Variants in KMT2E observed in about 807,000 individuals in gnomAD.
KMT2E encodes lysine methyltransferase 2E (inactive).
In KMT2E, 30 loss-of-function variants were observed where a neutral mutation model predicts 184.6. The observed-to-expected ratio is 0.16, with a 90% CI of 0.12 to 0.22. The LOEUF is 0.22. Ranked by LOEUF, KMT2E falls within the 10% of genes least tolerant of loss-of-function variation. The probability of loss-of-function intolerance (pLI) is 1.00; values close to 1 mark genes in which losing one functional copy is unlikely to be tolerated. For synonymous variants in KMT2E, 815 were observed against 776.5 expected, an observed-to-expected ratio of 1.05 and a Z score of -0.82; for missense variants, 2,023 against 2,237.4, an observed-to-expected ratio of 0.90 and a Z score of 1.93.
chr7:105,081,922 G>T, intron 13 of KMT2E, 125 bp downstream of exon 13: 1 of 509,296 alleles, frequency 2.0e-6, no homozygotes, highest in Non-Finnish European at 3.5e-6. Flanking sequence ...TCAGTTAAAA[G>T]TACTTGAAAA....
At chr7:105,091,716 CAA>C (rs761405130) in intron 15 of KMT2E, 964 of 141,866 alleles carry the variant, frequency 6.8e-3, no homozygotes, top group Middle Eastern at 0.014. Flanking sequence ...ATTGCTTATG[CAA>C]AAAAAAAAAA....
At chr7:105,102,910 A>G (rs1798716066) in intron 17 of KMT2E, 1 of 152,224 alleles carries the variant, frequency 6.6e-6, no homozygotes, top group African/African-American at 2.4e-5. Context: ...ATGCTGCTAA[A>G]CCATGACATG....
At chr7:105,088,819 A>C (rs1199891540) in intron 13 of KMT2E, among the ~76,000 whole-genome samples, 2 of 152,208 alleles carry the variant, frequency 1.3e-5, no homozygotes, top group Non-Finnish European at 2.9e-5. Flanking sequence ...GATGAGACAG[A>C]GTGCAGTTAT....
chr7:105,098,235 T>A (rs1012089474), intron 15 of KMT2E, among the ~76,000 whole-genome samples: 3 of 73,178 alleles, frequency 4.1e-5, no homozygotes, highest in African/African-American at 3.5e-4. Context: ...CCTTTTCCTA[T>A]TTTTTTTTTT....
At chr7:105,111,677 C>A in intron 26 of KMT2E, 148 bp from the exon 27 acceptor site, 1 of 956,556 alleles carries the variant, frequency 1.0e-6, no homozygotes, top group Non-Finnish European at 1.5e-6. Flanking sequence ...CTTTTAACAT[C>A]CCAAGCCTCC....
At position 105,089,916 on chromosome 7, in the gene KMT2E, A is replaced by T; in HGVS notation, c.1359-93A>T. On this transcript the variant is annotated intron_variant, in intron 13 of 26. Transcript: ENST00000311117. ...TGCTTATAATTAATAGTAATTGCAT[A>T]CAATTTTGTGGAGTTGCAGCTTAAA... 5 of 1,529,662 alleles carry T rather than the reference A, an allele frequency of 3.3e-6. No individual in the cohort carries two copies. The South Asian group carries it at 6.4e-5, about 20-fold the overall frequency. 94.8% of individuals were successfully genotyped at this position (1,529,662 alleles called of 1,614,324 possible).
At chr7:105,023,420 AAAGAG>A (rs1287875332) in intron 1 of KMT2E, among the ~76,000 whole-genome samples, 10 of 150,312 alleles carry the variant, frequency 6.7e-5, no homozygotes, top group African/African-American at 2.5e-4. Context: ...AAAAAAAAAA[AAAGAG>A]AGACAAAAAT....
At position 105,107,460 on chromosome 7, in the gene KMT2E, G is replaced by A. The variant is rs754801394; in HGVS notation, c.3003G>A (p.Thr1001=). 39 of 1,613,748 alleles carry A rather than the reference G, an allele frequency of 2.4e-5. No homozygotes were observed. Among genetic ancestry groups the A allele is most frequent in the Non-Finnish European group, 3.1e-5 (37 of 1,179,948 alleles). The part of the protein sequence containing the change: ...GLQEIKTIGY[T]SPRSRTEVNR... ...AAGAAATAAAGACTATTGGTTATAC[G>A]AGCCCTAGGAGTAGGACTGAAGTCA... Residue 1001 remains threonine, a synonymous_variant, in exon 22 of 27, where the codon ACG becomes ACA. Coordinates refer to ENST00000311117, the MANE Select transcript of KMT2E (RefSeq NM_182931.3).
intron 5 of KMT2E, among the ~76,000 whole-genome samples, chr7:105,065,642 A>G (rs1796997460): frequency 6.6e-6 from 1 of 152,204 alleles, no homozygotes; most frequent in African/African-American, 2.4e-5. Context: ...CAATTGTAAC[A>G]GCATACTGTA....
intron 17 of KMT2E, chr7:105,104,534 A>G (rs1049272996): frequency 5.3e-5 from 8 of 152,248 alleles, no homozygotes; most frequent in African/African-American, 1.9e-4. Flanking sequence ...CAGAAAATTA[A>G]AAACAAAAAA....
rs1798912686 is a variant in KMT2E at position 105,106,724 on chromosome 7, A to T, written c.2799A>T (p.Pro933=). ...ATGGTTATAAACCCATATATTCACC[A>T]GTTACCCCAGTAACTCCTGGTACAC... ...CRNGYKPIYS[P]VTPVTPGTPG... Residue 933 remains proline, a synonymous_variant, in exon 20 of 27, where the codon CCA becomes CCT. Coordinates refer to ENST00000311117, the MANE Select transcript of KMT2E (RefSeq NM_182931.3). 2 of 1,613,938 alleles carry T rather than the reference A, an allele frequency of 1.2e-6. No homozygotes were observed. Among genetic ancestry groups the T allele is most frequent in the Non-Finnish European group, 1.7e-6 (2 of 1,179,822 alleles).
intron 15 of KMT2E, among the ~76,000 whole-genome samples, chr7:105,093,184 T>C (rs1798276393): frequency 6.6e-6 from 1 of 151,784 alleles, no homozygotes; most frequent in Admixed American, 6.6e-5. Context: ...GATGACAGAG[T>C]GAGATCCTTG....
chr7:105,069,578 T>A (rs531751439), intron 6 of KMT2E, among the ~76,000 whole-genome samples: 1 of 152,234 alleles, frequency 6.6e-6, no homozygotes, highest in Non-Finnish European at 1.5e-5. Flanking sequence ...TACACACTTA[T>A]GTTGTTTAGG....
At chr7:105,064,250 A>G in intron 5 of KMT2E, 1 of 282,410 alleles carries the variant, frequency 3.5e-6, no homozygotes, top group Non-Finnish European at 6.7e-6. Flanking sequence ...TCAGCCTGAA[A>G]GTTACTGAGT....
chr7:105,024,790 A>G (rs1368742877), intron 1 of KMT2E, among the ~76,000 whole-genome samples: 1 of 152,156 alleles, frequency 6.6e-6, no homozygotes, highest in Non-Finnish European at 1.5e-5. Context: ...CATGCTGGAC[A>G]TTTCTTTTTA....
At position 105,020,923 on chromosome 7, in the gene KMT2E, T is replaced by A. The variant is rs375246520; in HGVS notation, c.-189+6388T>A. On this transcript the variant is annotated intron_variant, in intron 1 of 26. Transcript: ENST00000311117. ...CATAGTTTGGGTCTTTCAGAGAATG[T>A]GTATGAGAAACATACACTCTTCTAA... is the stretch of plus-strand genomic sequence containing the variant. Among the ~76,000 whole-genome samples, 11 of 152,358 alleles carry A rather than the reference T, an allele frequency of 7.2e-5. No homozygotes were observed. The South Asian group carries it at 1.0e-3, about 14-fold the overall frequency.
intron 1 of KMT2E, among the ~76,000 whole-genome samples, chr7:105,037,608 C>T (rs1456835422): frequency 1.3e-5 from 2 of 152,138 alleles, no homozygotes; most frequent in Non-Finnish European, 2.9e-5. Flanking sequence ...AGTAGTCTGC[C>T]TGCCTCAGCT....
intron 26 of KMT2E, among the ~76,000 whole-genome samples, chr7:105,111,495 A>G (rs796392262): frequency 1.9e-4 from 29 of 152,242 alleles, no homozygotes; most frequent in African/African-American, 6.5e-4. Flanking sequence ...GAAACTTGCT[A>G]TTGGAGTTCT....
intron 3 of KMT2E, among the ~76,000 whole-genome samples, chr7:105,058,144 T>C (rs1401367197): frequency 1.3e-5 from 2 of 152,344 alleles, no homozygotes; most frequent in Non-Finnish European, 2.9e-5. Flanking sequence ...TCATGTAATA[T>C]TCTACTTCCC....
Sources: allele counts gnomAD v4.1 joint callset (sites outside exome capture counted in the v4.1 genomes callset), GRCh38; gene constraint gnomAD v4.1.1; transcripts MANE v1.5; gene names NCBI Gene and HGNC (gene_info 2026-07-23, HGNC 2026-07-21).